Variants in CALCRL observed in about 807,000 individuals in gnomAD.
CALCRL encodes calcitonin gene-related peptide type 1 receptor.
In CALCRL, 27 loss-of-function variants were observed where a neutral mutation model predicts 60.4. The observed-to-expected ratio is 0.45, with a 90% CI of 0.33 to 0.62. The LOEUF (loss-of-function observed/expected upper bound fraction) is 0.62. Among genes scored for constraint, CALCRL ranks in the 20% least tolerant of loss-of-function variants. CALCRL has a pLI of 0.03. For synonymous variants in CALCRL, 190 were observed against 182.6 expected (o/e 1.04, Z -0.33); for missense variants, 424 against 540.7 (o/e 0.78, Z 2.14).
At chr2:187,443,643 A>G (rs184660211) in intron 1 of CALCRL, among the ~76,000 whole-genome samples, 2 of 151,778 alleles carry the variant, frequency 1.3e-5, no homozygotes, top group Non-Finnish European at 3.0e-5. Context: ...TTTTAAAGAC[A>G]TATGCACATT....
intron 8 of CALCRL, among the ~76,000 whole-genome samples, chr2:187,367,838 A>G (rs1687362710): frequency 6.6e-6 from 1 of 152,070 alleles, no homozygotes; most frequent in African/African-American, 2.4e-5. Context: ...TTTTACATAT[A>G]ATTATTTTAA....
Position 187,380,471 on chromosome 2 carries a change from A to G in CALCRL, c.404T>C (p.Val135Ala), listed in dbSNP as rs1287414264. The change falls in exon 7 of 15, where the codon GTG becomes GCG. Residue 135 changes from valine (V) to alanine (A), a missense_variant. By Grantham distance (64) the Val-to-Ala change is moderately conservative (BLOSUM62 0). Transcript: ENST00000392370. ...CAATTCAGAATTATGACATACCTTCACTTTCTCGTGGGTGTTAACATTACA... is the reference window on the plus strand; with the variant it reads ...CAATTCAGAATTATGACATACCTTCGCTTTCTCGTGGGTGTTAACATTACA... ...TQCNVNTHEK[V>A]KTALNLFYLT... 1.9e-6 allele frequency: 3 copies of G among 1,569,788 alleles called. No homozygotes were observed. In the African/African-American group the frequency reaches 4.1e-5, roughly 21 times the overall value.
At chr2:187,411,591 G>A (rs995018670) in intron 1 of CALCRL, among the ~76,000 whole-genome samples, 3 of 152,254 alleles carry the variant, frequency 2.0e-5, no homozygotes, top group Middle Eastern at 3.4e-3. Context: ...TAAATGCTAA[G>A]ATGTAGAATC....
intron 5 of CALCRL, among the ~76,000 whole-genome samples, chr2:187,382,020 C>T (rs1559052811): frequency 6.6e-6 from 1 of 152,070 alleles, no homozygotes; most frequent in Non-Finnish European, 1.5e-5. Context: ...AGATAAAATA[C>T]ATTTTATGGC....
chr2:187,442,063 A>T (rs1377517760), intron 1 of CALCRL: 1 of 123,800 alleles, frequency 8.1e-6, no homozygotes, highest in Non-Finnish European at 1.7e-5. Context: ...GAGGTGGCTT[A>T]AAAACATTAT....
chr2:187,360,737 C>T lies in CALCRL; in HGVS notation c.642G>A (p.Val214=), dbSNP rs1687019567. The T allele has an allele frequency of 5.6e-6, 9 of 1,601,916 alleles. No individual in the cohort carries two copies. The highest frequency in any genetic ancestry group is 3.5e-5 in the Admixed American group (2 of 57,298). The change falls in exon 10 of 15, where the codon GTG becomes GTA. Residue 214 remains valine (V), a synonymous_variant. Coordinates refer to ENST00000392370, the MANE Select transcript of CALCRL (RefSeq NM_005795.6). ...TCAGGTAAAGATGAATGAACTGGGA[C>T]ACTTTGCAACTAACCTGTGAGGAAA... The part of the protein sequence containing the change: ...LVATNPVSCK[V]SQFIHLYLMG...
chr2:187,359,265 T>G lies in CALCRL; in HGVS notation c.789A>C (p.Pro263=). ...TGGCATGTATACAAGCAGGAATCAG[T>G]GGAAATCCTGTAATAACAAAAAAAA... The part of the protein sequence containing the change: ...MWYYFLGWGF[P]LIPACIHAIA... Residue 263 remains proline (P), a synonymous_variant, in exon 11 of 15, where the codon CCA becomes CCC. Coordinates refer to ENST00000392370, the MANE Select transcript of CALCRL (RefSeq NM_005795.6). The G allele has an allele frequency of 6.5e-7, 1 of 1,541,596 alleles. No individual in the cohort carries two copies. Among genetic ancestry groups the G allele is most frequent in the Non-Finnish European group, 8.7e-7 (1 of 1,144,024 alleles).
chr2:187,398,305 C>T (rs193258717), intron 1 of CALCRL, among the ~76,000 whole-genome samples: 71 of 151,686 alleles, frequency 4.7e-4, no homozygotes, highest in Non-Finnish European at 2.4e-4. Context: ...GAAAACATGT[C>T]TTGTTTTGTT....
At chr2:187,388,020 T>C (rs1688278759) in intron 1 of CALCRL, among the ~76,000 whole-genome samples, 1 of 152,086 alleles carries the variant, frequency 6.6e-6, no homozygotes, top group Non-Finnish European at 1.5e-5. Context: ...TTTCTATGAG[T>C]AAATAATTTT....
At chr2:187,369,255 C>T (rs1454346354) in intron 8 of CALCRL, among the ~76,000 whole-genome samples, 1 of 152,078 alleles carries the variant, frequency 6.6e-6, no homozygotes, top group Non-Finnish European at 1.5e-5. Flanking sequence ...TTTTCCTGGT[C>T]TTCTAGTGAG....
At chr2:187,434,668 T>G (rs929593113) in intron 1 of CALCRL, among the ~76,000 whole-genome samples, 1 of 152,142 alleles carries the variant, frequency 6.6e-6, no homozygotes. Context: ...ATAGCCTCAT[T>G]GTTTGTAATA....
chr2:187,427,569 C>T (rs1197953795), intron 1 of CALCRL, among the ~76,000 whole-genome samples: 1 of 151,992 alleles, frequency 6.6e-6, no homozygotes, highest in Non-Finnish European at 1.5e-5. Flanking sequence ...TTATGTTTAC[C>T]TACCATATTA....
intron 1 of CALCRL, among the ~76,000 whole-genome samples, chr2:187,446,234 A>G (rs1691175520): frequency 6.6e-6 from 1 of 151,750 alleles, no homozygotes; most frequent in South Asian, 2.1e-4. Context: ...TTTATGGCTA[A>G]AAGCATGCAT....
intron 7 of CALCRL, 31 bp from the exon 8 acceptor site, chr2:187,379,062 TCA>T: frequency 8.5e-7 from 1 of 1,176,848 alleles, no homozygotes; most frequent in African/African-American, 1.5e-5. Flanking sequence ...AAAATTTGGT[TCA>T]TATCAATACT....
chr2:187,363,514 G>T lies in CALCRL; in HGVS notation c.501-12C>A. ...GGCAACTTAGGCTCCTAAAAAGCAA[G>T]AAAAACAAGTGTGTTGACATCATGA... On this transcript the variant is annotated splice_polypyrimidine_tract_variant and intron_variant, in intron 8 of 14. Coordinates refer to ENST00000392370, the MANE Select transcript of CALCRL (RefSeq NM_005795.6). 1 of 1,582,424 alleles carries T rather than the reference G, an allele frequency of 6.3e-7. No homozygotes were observed. The highest frequency in any genetic ancestry group is 1.2e-5 in the South Asian group (1 of 85,660).
intron 12 of CALCRL, among the ~76,000 whole-genome samples, chr2:187,355,678 A>G (rs1161502679): frequency 1.3e-5 from 2 of 152,120 alleles, no homozygotes; most frequent in East Asian, 1.9e-4. Context: ...CTGTAAATAA[A>G]GGGTATTTGA....
chr2:187,404,960 G>A (rs1191674726), intron 1 of CALCRL, among the ~76,000 whole-genome samples: 1 of 151,948 alleles, frequency 6.6e-6, no homozygotes, highest in Admixed American at 6.6e-5. Flanking sequence ...CACACGGAGC[G>A]ACTCTGAGTT....
intron 14 of CALCRL, among the ~76,000 whole-genome samples, chr2:187,349,081 G>A (rs921101256): frequency 6.6e-5 from 10 of 151,488 alleles, no homozygotes; most frequent in African/African-American, 1.2e-4. Flanking sequence ...AAAATTCTAC[G>A]TAGTTCTCAT....
rs528736344 is a variant in CALCRL at position 187,372,091 on chromosome 2, T to TTTAAAG, written c.500+6848_500+6849insCTTTAA. On this transcript the variant is annotated intron_variant, in intron 8 of 14. Coordinates refer to ENST00000392370, the MANE Select transcript of CALCRL (RefSeq NM_005795.6). ...ATAGTTCCAAATATGCAACTTGGCT[T>TTTAAAG]CTAAATTGTTTGGGGTCAGTATCTG... Among the ~76,000 whole-genome samples the TTTAAAG allele has an allele frequency of 4.3e-3, 649 of 152,170 alleles. 4 individuals are homozygous for TTTAAAG. The highest frequency in any genetic ancestry group is 0.015 in the African/African-American group (617 of 41,532).
Sources: allele counts gnomAD v4.1 joint callset (sites outside exome capture counted in the v4.1 genomes callset), GRCh38; gene constraint gnomAD v4.1.1; transcripts MANE v1.5; gene names NCBI Gene and HGNC (gene_info 2026-07-23, HGNC 2026-07-21).